The following SCN11A variants were observed in gnomAD, a reference collection of about 807,000 sequenced individuals.
The protein encoded by SCN11A is sodium voltage-gated channel alpha subunit 11.
SCN11A carries 122 observed loss-of-function variants against 162.2 expected under a neutral mutation model. The observed-to-expected ratio is 0.75, with a 90% CI of 0.65 to 0.87. The LOEUF is 0.87. Ranked by LOEUF, SCN11A falls within the 40% of genes least tolerant of loss-of-function variation. The pLI, the probability that SCN11A is intolerant of heterozygous loss-of-function variation, is 0.00. For synonymous variants in SCN11A, 758 were observed against 751.5 expected, an observed-to-expected ratio of 1.01 and a Z score of -0.14; for missense variants, 2,015 against 2,181.6, an observed-to-expected ratio of 0.92 and a Z score of 1.52.
chr3:38,982,024 C>A (rs1041991480), intron 2 of SCN11A, among the ~76,000 whole-genome samples: 28 of 148,956 alleles, frequency 1.9e-4, no homozygotes, highest in Admixed American at 3.3e-4. Context: ...AAAAAAAAAA[C>A]AAAACAAAAA....
At chr3:39,036,392 G>T (rs1195137040) in intron 1 of SCN11A, among the ~76,000 whole-genome samples, 1 of 152,028 alleles carries the variant, frequency 6.6e-6, no homozygotes, top group Non-Finnish European at 1.5e-5. Context: ...TGATCTACCC[G>T]CCTCGGCCTC....
At chr3:38,877,104 GGTGTATATACTA>G (rs2065226141) in intron 23 of SCN11A, among the ~76,000 whole-genome samples, 3 of 50,072 alleles carry the variant, frequency 6.0e-5, no homozygotes, top group African/African-American at 2.1e-4. Context: ...GTATATATAT[GGTGTATATACTA>G]TATATATGGT....
In SCN11A at chr3:38,850,507, C is replaced by T; in HGVS notation, c.4301G>A (p.Cys1434Tyr). The change falls in exon 29 of 30, where the codon TGT (cysteine) becomes TAT (tyrosine). Residue 1434 changes from cysteine to tyrosine, a missense_variant. Cys to Tyr is a radical substitution (Grantham distance 194). Transcript: ENST00000302328. Reference sequence around the variant, plus strand: ...AACAATGGAAAGAAGCACGACCACACAGTCAAATAAATTCCAGCCATTGGT... The same window carrying T: ...AACAATGGAAAGAAGCACGACCACATAGTCAAATAAATTCCAGCCATTGGT... Reference protein sequence around the residue: ...YFTNGWNLFDCVVVLLSIVST... With the variant: ...YFTNGWNLFDYVVVLLSIVST... 1 of 1,613,650 alleles carries T rather than the reference C, an allele frequency of 6.2e-7. No homozygotes were observed. Among genetic ancestry groups the T allele is most frequent in the South Asian group, 1.1e-5 (1 of 91,014 alleles).
At chr3:38,962,939 C>T (rs1251921793) in intron 2 of SCN11A, among the ~76,000 whole-genome samples, 2 of 151,520 alleles carry the variant, frequency 1.3e-5, no homozygotes, top group Admixed American at 6.6e-5. Flanking sequence ...GGCCAACAAA[C>T]GTGAAAAAAT....
chr3:38,934,062 C>A (rs554350811), intron 7 of SCN11A, among the ~76,000 whole-genome samples: 1 of 152,214 alleles, frequency 6.6e-6, no homozygotes, highest in East Asian at 1.9e-4. Context: ...AGAGTGGGGG[C>A]CAATATTCAA....
chr3:38,995,028 T>G (rs1303460026), intron 2 of SCN11A, among the ~76,000 whole-genome samples: 1 of 151,998 alleles, frequency 6.6e-6, no homozygotes, highest in African/African-American at 2.4e-5. Flanking sequence ...ACACACTTCC[T>G]GGGAAGCTAA....
chr3:38,932,603 G>A (rs192546770), intron 7 of SCN11A, among the ~76,000 whole-genome samples: 27 of 152,294 alleles, frequency 1.8e-4, no homozygotes, highest in East Asian at 1.5e-3. Flanking sequence ...CTACACCCAC[G>A]GAGTCTCGCT....
In SCN11A at chr3:38,950,224, C is replaced by T. The variant is rs753395188; in HGVS notation, c.139G>A (p.Val47Ile). The T allele has an allele frequency of 1.5e-5, 24 of 1,614,090 alleles. No homozygotes were observed. The South Asian group carries it at 2.5e-4, about 17-fold the overall frequency. Residue 47 changes from valine (V) to isoleucine (I), a missense_variant, in exon 5 of 30, where the codon GTA (valine) becomes ATA (isoleucine). Physicochemically the swap from Val to Ile is conservative, Grantham distance 29 (BLOSUM62 3). Coordinates refer to ENST00000302328, the MANE Select transcript of SCN11A (RefSeq NM_001349253.2). ...KKKSKDQTGE[V>I]PQPRPQLDLK... The stretch of plus-strand genomic sequence containing the variant: ...TCAAGCTGAGGCCGAGGCTGGGGTA[C>T]TTCTCCTGTCTGGTCTTTAGACTTC...
At chr3:38,906,049 T>A (rs73068529) in intron 14 of SCN11A, among the ~76,000 whole-genome samples, 20,885 of 152,226 alleles carry the variant, frequency 0.14, 1,663 homozygotes, top group East Asian at 0.24. Flanking sequence ...CCAATCTAGA[T>A]AGTCTTTCTA....
intron 2 of SCN11A, among the ~76,000 whole-genome samples, chr3:38,981,909 C>T (rs922130530): frequency 9.2e-5 from 14 of 151,458 alleles, no homozygotes; most frequent in Admixed American, 7.2e-4. Context: ...GAGACTGAGA[C>T]ATGAGAATCA....
chr3:38,866,466 C>T (rs978747955), intron 27 of SCN11A, among the ~76,000 whole-genome samples: 1 of 152,152 alleles, frequency 6.6e-6, no homozygotes, highest in Non-Finnish European at 1.5e-5. Flanking sequence ...GTGATTTCCC[C>T]GCCTTGGCCT....
chr3:38,985,737 A>G (rs2030217283), intron 2 of SCN11A, among the ~76,000 whole-genome samples: 1 of 151,008 alleles, frequency 6.6e-6, no homozygotes, highest in Admixed American at 6.6e-5. Flanking sequence ...CATGTTGTTT[A>G]AAGTATTAGT....
At chr3:38,890,932 T>G (rs2065489261) in intron 19 of SCN11A, among the ~76,000 whole-genome samples, 1 of 152,102 alleles carries the variant, frequency 6.6e-6, no homozygotes, top group African/African-American at 2.4e-5. Context: ...AGGAGAAAAG[T>G]GAATCAGTTA....
chr3:38,948,483 A>G (rs972827487), intron 5 of SCN11A, among the ~76,000 whole-genome samples: 1 of 152,124 alleles, frequency 6.6e-6, no homozygotes, highest in Non-Finnish European at 1.5e-5. Flanking sequence ...TTCCAAAGAG[A>G]AGTAGCCTGT....
intron 16 of SCN11A, among the ~76,000 whole-genome samples, chr3:38,902,754 T>G (rs2065723114): frequency 6.6e-6 from 1 of 151,984 alleles, no homozygotes; most frequent in Non-Finnish European, 1.5e-5. Context: ...CCTGACCTCA[T>G]GATCTGCCTG....
chr3:38,907,340 GTGTA>G (rs2065812106), intron 14 of SCN11A, among the ~76,000 whole-genome samples: 2 of 23,692 alleles, frequency 8.4e-5, no homozygotes, highest in African/African-American at 1.7e-4. Context: ...GTGTGTGTGT[GTGTA>G]TATATCTATA....
At chr3:39,049,847 A>G (rs1445656943) in intron 1 of SCN11A, among the ~76,000 whole-genome samples, 1 of 152,162 alleles carries the variant, frequency 6.6e-6, no homozygotes, top group Non-Finnish European at 1.5e-5. Flanking sequence ...CTGGCCAAAA[A>G]ATTATCCTCT....
At chr3:38,911,188 C>G (rs1227137796) in intron 11 of SCN11A, among the ~76,000 whole-genome samples, 1 of 152,102 alleles carries the variant, frequency 6.6e-6, no homozygotes, top group African/African-American at 2.4e-5. Context: ...GTTTTACTCC[C>G]TCATTCTTCT....
At chr3:38,933,218 A>G (rs2066273694) in intron 7 of SCN11A, among the ~76,000 whole-genome samples, 1 of 152,230 alleles carries the variant, frequency 6.6e-6, no homozygotes, top group African/African-American at 2.4e-5. Context: ...CCAAAAACCC[A>G]TCTGTACATC....
Sources: allele counts gnomAD v4.1 joint callset (sites outside exome capture counted in the v4.1 genomes callset), GRCh38; gene constraint gnomAD v4.1.1; transcripts MANE v1.5; gene names NCBI Gene and HGNC (gene_info 2026-07-23, HGNC 2026-07-21).